Variants in CCDC69 observed in about 807,000 individuals in gnomAD.
CCDC69 encodes the protein coiled-coil domain containing 69, also known as coiled-coil domain-containing protein 69.
CCDC69 carries 38 observed loss-of-function variants against 40.3 expected under a neutral mutation model. The observed-to-expected ratio is 0.94, with a 90% CI of 0.73 to 1.24. The LOEUF is 1.24. Ranked by LOEUF, CCDC69 falls within the 50% of genes most tolerant of loss-of-function variation. The probability of loss-of-function intolerance (pLI) is 0.00; values close to 1 mark genes in which losing one functional copy is unlikely to be tolerated. For synonymous variants in CCDC69, 141 were observed against 138.9 expected (o/e 1.02, Z -0.11); for missense variants, 389 against 357.9 (o/e 1.09, Z -0.70).
intron 1 of CCDC69, among the ~76,000 whole-genome samples, chr5:151,214,191 C>G (rs984743061): frequency 6.6e-6 from 1 of 152,168 alleles, no homozygotes; most frequent in African/African-American, 2.4e-5. Context: ...GATTCTAAGT[C>G]TCAAGGGGCT....
chr5:151,205,568 G>A (rs1389005822), intron 1 of CCDC69, 93 bp from the exon 2 acceptor site: 3 of 1,053,092 alleles, frequency 2.8e-6, no homozygotes, highest in Non-Finnish European at 4.4e-6. Flanking sequence ...CAAAGGCAAG[G>A]CAGGACCTTC....
chr5:151,223,784 T>A (rs1753172110), intron 1 of CCDC69, 139 bp downstream of exon 1: 2 of 773,260 alleles, frequency 2.6e-6, no homozygotes, highest in Non-Finnish European at 3.9e-6. Context: ...CTCCCTCGTC[T>A]CTGAGCTGGC....
chr5:151,192,135 GCT>G (rs1752623002), intron 4 of CCDC69, among the ~76,000 whole-genome samples: 1 of 63,298 alleles, frequency 1.6e-5, no homozygotes, highest in Admixed American at 1.6e-4. Context: ...AAAAAAAAAA[GCT>G]AACCAAATAT....
chr5:151,201,557 AG>A lies in CCDC69; in HGVS notation c.231+24del, dbSNP rs767957758. ...AAAGTTAGCTGAGCAGGAGAAAGAC[AG>A]GGGGTGGGGGCACCTGGACTTACCT... is the stretch of plus-strand genomic sequence containing the variant. On this transcript the variant is annotated intron_variant, in intron 3 of 8. Transcript: ENST00000355417. 2.5e-5 allele frequency: 37 copies of A among 1,504,672 alleles called. No homozygotes were observed. The East Asian group carries it at 7.7e-4, about 31-fold the overall frequency. The allele number at this position is 1,504,672 out of a possible 1,614,324, so 93.2% of individuals were successfully genotyped here.
Position 151,182,027 on chromosome 5 carries a change from GA to G in CCDC69, c.*1409del, listed in dbSNP as rs1234092473. 1.3e-5 allele frequency: 2 copies of G among 152,284 alleles called. No homozygotes were observed. Among genetic ancestry groups the G allele is most frequent in the Non-Finnish European group, 2.9e-5 (2 of 68,090 alleles). 9.4% of individuals were successfully genotyped at this position (152,284 alleles called of 1,614,324 possible). On this transcript the variant is annotated 3_prime_UTR_variant, in exon 9 of 9. Transcript: ENST00000355417. ...GGCAGTCTGGGATGATGTCACTATA[GA>G]ATGACTGATGAAAAATGCAGATTGA...
intron 3 of CCDC69, 38 bp downstream of exon 3, chr5:151,201,544 G>T: frequency 1.4e-6 from 2 of 1,401,376 alleles, no homozygotes; most frequent in Non-Finnish European, 2.0e-6. Flanking sequence ...AGTTAGCTGA[G>T]CAGGAGAAAG....
intron 1 of CCDC69, among the ~76,000 whole-genome samples, chr5:151,207,100 G>A (rs1236687773): frequency 6.6e-6 from 1 of 151,890 alleles, no homozygotes; most frequent in Non-Finnish European, 1.5e-5. Context: ...TGTATTTTTA[G>A]TAGAGATGGG....
chr5:151,212,915 G>T, intron 1 of CCDC69: 1 of 456,144 alleles, frequency 2.2e-6, no homozygotes, highest in Non-Finnish European at 4.4e-6. Flanking sequence ...GGAGGGTGGG[G>T]AATCGTGGTG....
intron 2 of CCDC69, among the ~76,000 whole-genome samples, chr5:151,203,079 G>C (rs980751278): frequency 4.6e-5 from 7 of 152,134 alleles, no homozygotes; most frequent in Non-Finnish European, 8.8e-5. Context: ...AGACGAGGAA[G>C]CTGAGGCTCA....
chr5:151,219,535 G>A (rs1753106610), intron 1 of CCDC69, among the ~76,000 whole-genome samples: 1 of 152,134 alleles, frequency 6.6e-6, no homozygotes, highest in Admixed American at 6.6e-5. Context: ...CCATTAAAAA[G>A]TCCGTGTTTC....
chr5:151,210,270 G>A (rs1451694921), intron 1 of CCDC69, among the ~76,000 whole-genome samples: 1 of 152,154 alleles, frequency 6.6e-6, no homozygotes, highest in Non-Finnish European at 1.5e-5. Context: ...TAGGCCAGGT[G>A]CGGTGGCTCA....
Position 151,184,361 on chromosome 5 carries a change from G to C in CCDC69, c.696C>G (p.Asn232Lys). The change falls in exon 8 of 9, where the codon AAC becomes AAG. Residue 232 changes from asparagine to lysine, a missense_variant. By Grantham distance (94) the Asn-to-Lys change is moderately conservative. Transcript: ENST00000355417. ...ACAGCTACCTTGACAGGACCACCTG[G>C]TTGCGGCTTCGGACATGGAGGTCCT... ...ENEDLHVRSR[N>K]QVVLSRQLSE... 1 of 1,613,934 alleles carries C rather than the reference G, an allele frequency of 6.2e-7. No individual in the cohort carries two copies. The highest frequency in any genetic ancestry group is 8.5e-7 in the Non-Finnish European group (1 of 1,179,894).
intron 1 of CCDC69, among the ~76,000 whole-genome samples, chr5:151,210,151 T>C (rs980199567): frequency 1.3e-5 from 2 of 152,260 alleles, no homozygotes; most frequent in African/African-American, 4.8e-5. Context: ...TTAATTTTAA[T>C]GATGAGCAGA....
chr5:151,223,442 T>A (rs1019973530), intron 1 of CCDC69, among the ~76,000 whole-genome samples: 3 of 152,256 alleles, frequency 2.0e-5, no homozygotes, highest in Non-Finnish European at 4.4e-5. Flanking sequence ...TTGGCAAGAC[T>A]GGGCCTGAGC....
chr5:151,182,662 CCT>C lies in CCDC69; in HGVS notation c.*773_*774del. On this transcript the variant is annotated 3_prime_UTR_variant, in exon 9 of 9. Coordinates refer to ENST00000355417, the MANE Select transcript of CCDC69 (RefSeq NM_015621.3). Reference sequence around the variant, plus strand: ...TGGACTCACAACCACCAAGCTTGCCCCTGTGCCCAGGTGGCACCAAGACTGAA... The same window carrying C: ...TGGACTCACAACCACCAAGCTTGCCCGTGCCCAGGTGGCACCAAGACTGAA... 1 of 249,726 alleles carries C rather than the reference CCT, an allele frequency of 4.0e-6. No individual in the cohort carries two copies. The highest frequency in any genetic ancestry group is 8.0e-6 in the Non-Finnish European group (1 of 125,078). 15.5% of individuals were successfully genotyped at this position (249,726 alleles called of 1,614,324 possible).
At chr5:151,219,033 T>C (rs1582053372) in intron 1 of CCDC69, among the ~76,000 whole-genome samples, 1 of 152,242 alleles carries the variant, frequency 6.6e-6, no homozygotes, top group Non-Finnish European at 1.5e-5. Flanking sequence ...CATGGAAGCC[T>C]GTACTGGCTT....
At chr5:151,207,019 G>T (rs991455151) in intron 1 of CCDC69, among the ~76,000 whole-genome samples, 6 of 152,090 alleles carry the variant, frequency 3.9e-5, no homozygotes, top group Non-Finnish European at 7.4e-5. Context: ...TCCACCTCCT[G>T]GGTTCAAGTG....
chr5:151,219,382 C>G (rs1029592528), intron 1 of CCDC69, among the ~76,000 whole-genome samples: 1 of 152,110 alleles, frequency 6.6e-6, no homozygotes, highest in East Asian at 1.9e-4. Flanking sequence ...TTGACCCCCC[C>G]GAGTCCAAAG....
At chr5:151,199,551 C>A (rs1752750253) in intron 3 of CCDC69, among the ~76,000 whole-genome samples, 1 of 152,094 alleles carries the variant, frequency 6.6e-6, no homozygotes, top group Non-Finnish European at 1.5e-5. Context: ...CCAGGCTGAA[C>A]CCTCCCAGCC....
Sources: gnomAD v4.1 joint callset for allele counts (sites outside exome capture counted in the v4.1 genomes callset) on GRCh38, gnomAD v4.1.1 for gene constraint, MANE v1.5 for transcripts, NCBI Gene and HGNC (gene_info 2026-07-23, HGNC 2026-07-21) for gene names.